ABCD3: variants seen among roughly 807,000 people sequenced by gnomAD.
The protein encoded by ABCD3 is ATP-binding cassette sub-family D member 3.
ABCD3 carries 41 observed loss-of-function variants against 105.5 expected under a neutral mutation model. That is an observed-to-expected ratio of 0.39 (90% confidence interval 0.30 to 0.50). The LOEUF (loss-of-function observed/expected upper bound fraction) is 0.50. ABCD3 is among the 20% of genes least tolerant of loss of function. ABCD3 has a pLI of 0.84. For missense variants in ABCD3, 622 were observed against 806.3 expected (o/e 0.77, Z 2.77); for synonymous variants, 258 against 269.0 (o/e 0.96, Z 0.40).
At chr1:94,475,044 T>C in intron 5 of ABCD3, 99 bp from the exon 6 acceptor site, 2 of 792,744 alleles carry the variant, frequency 2.5e-6, no homozygotes, top group South Asian at 3.2e-5. Flanking sequence ...ATTATAAAAA[T>C]TGTAGGATTT....
intron 3 of ABCD3, among the ~76,000 whole-genome samples, chr1:94,466,534 C>G (rs1648144075): frequency 6.6e-6 from 1 of 152,180 alleles, no homozygotes; most frequent in Non-Finnish European, 1.5e-5. Flanking sequence ...CGATCTGGCC[C>G]TATGTCCTCA....
intron 1 of ABCD3, among the ~76,000 whole-genome samples, chr1:94,444,925 G>A (rs188956986): frequency 1.3e-5 from 2 of 152,178 alleles, no homozygotes; most frequent in African/African-American, 4.8e-5. Context: ...CGGAATGAGG[G>A]CAAGGGACAC....
chr1:94,450,840 A>G (rs1441738460), intron 1 of ABCD3, among the ~76,000 whole-genome samples: 1 of 152,284 alleles, frequency 6.6e-6, no homozygotes, highest in South Asian at 2.1e-4. Flanking sequence ...TTCTTTTACA[A>G]GTTACCCTAG....
chr1:94,503,647 ACTT>A (rs1405691822), intron 20 of ABCD3, among the ~76,000 whole-genome samples: 3 of 152,168 alleles, frequency 2.0e-5, no homozygotes, highest in Non-Finnish European at 4.4e-5. Context: ...GCACAGTTGA[ACTT>A]CTTCATAGTC....
chr1:94,505,731 C>G (rs1650321167), intron 20 of ABCD3, among the ~76,000 whole-genome samples: 1 of 151,988 alleles, frequency 6.6e-6, no homozygotes, highest in Non-Finnish European at 1.5e-5. Flanking sequence ...AGAAAGGATC[C>G]TCAGAAGTAG....
At chr1:94,407,217 C>A in the ABCD3 span, among the ~76,000 whole-genome samples, 203 of 152,254 alleles carry the variant, frequency 1.3e-3, no homozygotes, top group African/African-American at 4.8e-3. Context: ...ATGGCCCGAT[C>A]TCAGCTCACC....
At chr1:94,393,907 A>T in the ABCD3 span, among the ~76,000 whole-genome samples, 1 of 152,138 alleles carries the variant, frequency 6.6e-6, no homozygotes, top group African/African-American at 2.4e-5. Flanking sequence ...CCTGATGTAG[A>T]GCCTTTTCTT....
chr1:94,500,803 G>A (rs952456744), intron 20 of ABCD3, among the ~76,000 whole-genome samples: 1 of 152,056 alleles, frequency 6.6e-6, no homozygotes, highest in Non-Finnish European at 1.5e-5. Context: ...GCTATAACGT[G>A]AGATGAATCT....
intron 13 of ABCD3, among the ~76,000 whole-genome samples, chr1:94,488,818 A>ACTCT (rs35741156): frequency 0.01 from 1,525 of 146,388 alleles, 17 homozygotes; most frequent in African/African-American, 0.035. Context: ...GTTTCCTTTC[A>ACTCT]CTCTCTCTCT....
At chr1:94,482,896 A>C in intron 9 of ABCD3, 1 of 404,468 alleles carries the variant, frequency 2.5e-6, no homozygotes, top group South Asian at 3.2e-5. Flanking sequence ...CGAATTTCTG[A>C]GAATTCGTGC....
chr1:94,463,875 T>A (rs1648000921), intron 2 of ABCD3, among the ~76,000 whole-genome samples: 1 of 152,204 alleles, frequency 6.6e-6, no homozygotes, highest in Non-Finnish European at 1.5e-5. Flanking sequence ...CTTCTCTCAT[T>A]CTTGTTCCCT....
chr1:94,474,054 A>G (rs1191734711), intron 5 of ABCD3, among the ~76,000 whole-genome samples: 2 of 148,742 alleles, frequency 1.3e-5, no homozygotes. Flanking sequence ...GTGTATATAT[A>G]TTCATATACA....
chr1:94,421,724 G>A (rs531333968), intron 1 of ABCD3, among the ~76,000 whole-genome samples: 159 of 152,242 alleles, frequency 1.0e-3, no homozygotes, highest in African/African-American at 3.7e-3. Context: ...CAAGATTAAT[G>A]TGTTTGGGAA....
intron 1 of ABCD3, among the ~76,000 whole-genome samples, chr1:94,433,497 T>C (rs1419963051): frequency 6.6e-6 from 1 of 152,048 alleles, no homozygotes; most frequent in Non-Finnish European, 1.5e-5. Context: ...TAGAGTGCAC[T>C]TATACAAACA....
chr1:94,408,364 C>T, the ABCD3 span, among the ~76,000 whole-genome samples: 1 of 151,650 alleles, frequency 6.6e-6, no homozygotes, highest in Non-Finnish European at 1.5e-5. Context: ...GGGGGGATCA[C>T]TTGAGGTGAG....
chr1:94,446,803 T>A (rs1264064030), intron 1 of ABCD3, among the ~76,000 whole-genome samples: 1 of 152,182 alleles, frequency 6.6e-6, no homozygotes, highest in Non-Finnish European at 1.5e-5. Context: ...CTGAAGTATA[T>A]CAAAGTAGTT....
At chr1:94,444,529 C>T (rs560836380) in intron 1 of ABCD3, among the ~76,000 whole-genome samples, 8 of 152,176 alleles carry the variant, frequency 5.3e-5, no homozygotes, top group South Asian at 2.1e-4. Flanking sequence ...CTTAAATATA[C>T]GCATTTAAGG....
rs116123503 is a variant in ABCD3, at chr1:94,500,259, A to G, written c.1740+645A>G. On this transcript the variant is annotated intron_variant, in intron 20 of 22. Coordinates refer to ENST00000370214, the MANE Select transcript of ABCD3 (RefSeq NM_002858.4). ...TAAGAATGAGACCAGCCTGGGCAACATAGCAAGACCCTTTCTCTACAAAAA... is the reference window on the plus strand; with the variant it reads ...TAAGAATGAGACCAGCCTGGGCAACGTAGCAAGACCCTTTCTCTACAAAAA... Among the ~76,000 whole-genome samples, 1,293 of 152,238 alleles carry G rather than the reference A, an allele frequency of 8.5e-3. 9 individuals are homozygous for G. The highest frequency in any genetic ancestry group is 0.017 in the Middle Eastern group (5 of 294).
chr1:94,418,093 C>T (rs765496134), upstream of ABCD3, among the ~76,000 whole-genome samples: 2 of 152,156 alleles, frequency 1.3e-5, no homozygotes, highest in South Asian at 2.1e-4. Flanking sequence ...GCCCGCTCAT[C>T]CAGTTATTGT....
Sources: allele counts gnomAD v4.1 joint callset (sites outside exome capture counted in the v4.1 genomes callset), GRCh38; gene constraint gnomAD v4.1.1; transcripts MANE v1.5; gene names NCBI Gene and HGNC (gene_info 2026-07-23, HGNC 2026-07-21).